The following PPFIA2 variants were observed in gnomAD, a reference collection of about 807,000 sequenced individuals.
PPFIA2 encodes PPFI scaffold protein A2, also known as liprin-alpha-2.
PPFIA2 carries 46 observed loss-of-function variants against 175.5 expected under a neutral mutation model. The ratio of observed to expected loss-of-function variants is 0.26; its 90% CI spans 0.21 to 0.34. The LOEUF (loss-of-function observed/expected upper bound fraction) is 0.34. PPFIA2 is among the 10% of genes least tolerant of loss of function. The pLI is 1.00. For synonymous variants in PPFIA2, 568 were observed against 511.4 expected (o/e 1.11, Z -1.49); for missense variants, 1,179 against 1,506.1 (o/e 0.78, Z 3.60).
intron 4 of PPFIA2, chr12:81,512,229 C>G: frequency 1.0e-6 from 1 of 965,740 alleles, no homozygotes; most frequent in Non-Finnish European, 1.4e-6. Context: ...CCCTTAACGG[C>G]TCCCTAATGC....
intron 3 of PPFIA2, 66 bp from the exon 4 acceptor site, chr12:81,676,910 C>G: frequency 8.5e-7 from 1 of 1,179,168 alleles, no homozygotes; most frequent in Admixed American, 2.9e-5. Context: ...CCCAGTCCCA[C>G]AGTGTAATAA....
At chr12:81,512,337 T>A in intron 4 of PPFIA2, 14 of 1,288,680 alleles carry the variant, frequency 1.1e-5, no homozygotes, top group Non-Finnish European at 1.4e-5. Context: ...CTGCTATCTC[T>A]TATGTACCTG....
chr12:81,644,838 A>G (rs1427864053), intron 4 of PPFIA2, among the ~76,000 whole-genome samples: 2 of 152,140 alleles, frequency 1.3e-5, no homozygotes, highest in African/African-American at 4.8e-5. Context: ...AAATGCATTT[A>G]TTACTGAAAA....
intron 4 of PPFIA2, among the ~76,000 whole-genome samples, chr12:81,610,545 A>C (rs2060788735): frequency 6.6e-6 from 1 of 152,088 alleles, no homozygotes; most frequent in African/African-American, 2.4e-5. Flanking sequence ...TTATACTATG[A>C]AATTCTTGTA....
intron 3 of PPFIA2, among the ~76,000 whole-genome samples, chr12:81,744,947 G>C: frequency 6.6e-6 from 1 of 152,072 alleles, no homozygotes; most frequent in East Asian, 1.9e-4. Context: ...CTGCAAAATG[G>C]GAATAGTAAT....
intron 4 of PPFIA2, among the ~76,000 whole-genome samples, chr12:81,644,557 C>A (rs1409572834): frequency 6.6e-6 from 1 of 151,852 alleles, no homozygotes; most frequent in East Asian, 1.9e-4. Flanking sequence ...TTTTCAAATT[C>A]TATTTTCTAC....
intron 3 of PPFIA2, among the ~76,000 whole-genome samples, chr12:81,690,256 T>A (rs2075063696): frequency 6.6e-6 from 1 of 152,066 alleles, no homozygotes; most frequent in Non-Finnish European, 1.5e-5. Flanking sequence ...AGGCCAAAAA[T>A]AATGTGGTGA....
At chr12:81,625,651 C>A (rs531391787) in intron 4 of PPFIA2, among the ~76,000 whole-genome samples, 1 of 151,658 alleles carries the variant, frequency 6.6e-6, no homozygotes, top group African/African-American at 2.4e-5. Flanking sequence ...AGAAAAGATT[C>A]TTGCAACCAT....
At chr12:81,629,659 A>G (rs977003766) in intron 4 of PPFIA2, among the ~76,000 whole-genome samples, 1 of 152,194 alleles carries the variant, frequency 6.6e-6, no homozygotes, top group Non-Finnish European at 1.5e-5. Context: ...TTAACCTTTC[A>G]TTCCAGCACC....
At chr12:81,300,425 T>C (rs1199872097) in intron 22 of PPFIA2, among the ~76,000 whole-genome samples, 1 of 152,176 alleles carries the variant, frequency 6.6e-6, no homozygotes, top group East Asian at 1.9e-4. Context: ...CTACTATTAA[T>C]CAATTAGTTA....
At chr12:81,578,094 T>A (rs900539272) in intron 4 of PPFIA2, among the ~76,000 whole-genome samples, 3 of 151,714 alleles carry the variant, frequency 2.0e-5, no homozygotes, top group Non-Finnish European at 4.4e-5. Context: ...GAGGCCTTAG[T>A]GACTTTCTAT....
intron 4 of PPFIA2, among the ~76,000 whole-genome samples, chr12:81,506,693 T>C (rs750003644): frequency 6.6e-6 from 1 of 152,208 alleles, no homozygotes; most frequent in Non-Finnish European, 1.5e-5. Flanking sequence ...TGGTCTAAAG[T>C]AGGCAAATTA....
chr12:81,321,136 T>C (rs950503602), intron 22 of PPFIA2, among the ~76,000 whole-genome samples: 2 of 151,944 alleles, frequency 1.3e-5, no homozygotes, highest in Non-Finnish European at 2.9e-5. Flanking sequence ...TAGCCATAAC[T>C]AGAAGCAAGA....
intron 7 of PPFIA2, among the ~76,000 whole-genome samples, chr12:81,409,049 C>T (rs1336581740): frequency 6.6e-6 from 1 of 152,068 alleles, no homozygotes; most frequent in Non-Finnish European, 1.5e-5. Context: ...GAAGAGGTCA[C>T]CAATAAATAA....
At chr12:81,731,554 T>A (rs544426653) in intron 3 of PPFIA2, among the ~76,000 whole-genome samples, 1 of 151,780 alleles carries the variant, frequency 6.6e-6, no homozygotes, top group Admixed American at 6.6e-5. Flanking sequence ...CATAAAAATC[T>A]AAACATTTGC....
intron 4 of PPFIA2, among the ~76,000 whole-genome samples, chr12:81,618,719 A>AGAAAGGGTTTCACCATGTTAGC (rs2061692886): frequency 6.6e-6 from 1 of 151,786 alleles, no homozygotes; most frequent in Non-Finnish European, 1.5e-5. Context: ...TTTTTAGTAG[A>AGAAAGGGTTTCACCATGTTAGC]GAAAGGGTTT....
At chr12:81,446,379 C>T (rs75427377) in intron 5 of PPFIA2, among the ~76,000 whole-genome samples, 12,222 of 152,088 alleles carry the variant, frequency 0.08, 787 homozygotes, top group East Asian at 0.33. Flanking sequence ...AGGGAAAGTC[C>T]CTGAAGACTT....
chr12:81,582,536 G>A (rs951390700), intron 4 of PPFIA2, among the ~76,000 whole-genome samples: 5 of 151,484 alleles, frequency 3.3e-5, no homozygotes, highest in African/African-American at 4.8e-5. Context: ...CCTACCTTTC[G>A]TTTAGCTTAT....
At chr12:81,315,094 CTCTCTCTG>C (rs1211581099) in intron 22 of PPFIA2, among the ~76,000 whole-genome samples, 1 of 151,788 alleles carries the variant, frequency 6.6e-6, no homozygotes, top group African/African-American at 2.4e-5. Flanking sequence ...TGGATGGTTT[CTCTCTCTG>C]TCTCTCTGTC....
Sources: allele counts gnomAD v4.1 joint callset (sites outside exome capture counted in the v4.1 genomes callset), GRCh38; gene constraint gnomAD v4.1.1; transcripts MANE v1.5; gene names NCBI Gene and HGNC (gene_info 2026-07-23, HGNC 2026-07-21).